Variants in GPHN observed in about 807,000 individuals in gnomAD.
GPHN encodes gephyrin.
A neutral mutation model predicts 95.5 loss-of-function variants in GPHN; 17 were observed. That is an observed-to-expected ratio of 0.18 (90% CI 0.12 to 0.27). GPHN has a LOEUF of 0.27. Among genes scored for constraint, GPHN ranks in the 10% least tolerant of loss-of-function variants. The pLI is 1.00. For synonymous variants in GPHN, 320 were observed against 322.5 expected, an observed-to-expected ratio of 0.99 and a Z score of 0.08; for missense variants, 660 against 978.1, an observed-to-expected ratio of 0.67 and a Z score of 4.34.
At chr14:67,198,096 A>C in the GPHN span, 4 of 1,545,440 alleles carry the variant, frequency 2.6e-6, no homozygotes, top group Non-Finnish European at 2.6e-6. Context: ...ATGATATTAA[A>C]TTCTCTCTGT....
chr14:67,435,650 T>C, the GPHN span, among the ~76,000 whole-genome samples: 2 of 152,232 alleles, frequency 1.3e-5, no homozygotes, highest in Non-Finnish European at 2.9e-5. Context: ...ACAGAGCACC[T>C]ACAAAGAATC....
chr14:66,557,099 C>T (rs2060031788), intron 1 of GPHN, among the ~76,000 whole-genome samples: 1 of 151,840 alleles, frequency 6.6e-6, no homozygotes, highest in East Asian at 1.9e-4. Flanking sequence ...CCCAGTTACT[C>T]AGGAGGCTGA....
chr14:66,765,641 G>A (rs1178418293), intron 2 of GPHN, among the ~76,000 whole-genome samples: 1 of 152,000 alleles, frequency 6.6e-6, no homozygotes, highest in African/African-American at 2.4e-5. Context: ...GGAGTGGAAC[G>A]AAAAACTACC....
At chr14:66,516,100 G>A (rs1031593653) in intron 1 of GPHN, among the ~76,000 whole-genome samples, 4 of 151,434 alleles carry the variant, frequency 2.6e-5, no homozygotes, top group African/African-American at 4.9e-5. Flanking sequence ...TCTGCCTCCC[G>A]GGTTCAAGTG....
the GPHN span, chr14:67,649,503 A>AT: frequency 6.6e-6 from 1 of 152,208 alleles, no homozygotes; most frequent in African/African-American, 2.4e-5. Flanking sequence ...GTCTGGAAAC[A>AT]TAAGTCATGT....
the GPHN span, among the ~76,000 whole-genome samples, chr14:67,371,676 C>A: frequency 6.6e-6 from 1 of 152,154 alleles, no homozygotes; most frequent in South Asian, 2.1e-4. Context: ...TACCTAAACA[C>A]AGAAAAGATA....
At chr14:66,882,428 C>T (rs941927550) in intron 5 of GPHN, among the ~76,000 whole-genome samples, 7 of 151,694 alleles carry the variant, frequency 4.6e-5, no homozygotes, top group Non-Finnish European at 1.0e-4. Flanking sequence ...TAAACCATTA[C>T]GTCTGTTTGA....
the GPHN span, among the ~76,000 whole-genome samples, chr14:67,464,271 C>T: frequency 2.6e-5 from 4 of 152,200 alleles, no homozygotes; most frequent in Non-Finnish European, 5.9e-5. Flanking sequence ...AGGATGGAGG[C>T]TAAGGGTACC....
At chr14:67,208,854 G>A in the GPHN span, among the ~76,000 whole-genome samples, 16 of 148,406 alleles carry the variant, frequency 1.1e-4, no homozygotes, top group East Asian at 2.0e-4. Context: ...CCAAGATCAC[G>A]CTACTGCATT....
At chr14:67,320,845 AACTATT>A in the GPHN span, among the ~76,000 whole-genome samples, 3,208 of 152,258 alleles carry the variant, frequency 0.021, 122 homozygotes, top group African/African-American at 0.073. Context: ...AGATAAATAT[AACTATT>A]ACTAAGATAC....
At chr14:67,296,383 G>A in the GPHN span, among the ~76,000 whole-genome samples, 6 of 151,954 alleles carry the variant, frequency 3.9e-5, no homozygotes, top group South Asian at 6.2e-4. Context: ...GGCAGATCAC[G>A]AGGTCAGGAG....
At chr14:67,735,058 C>T in the GPHN span, 1 of 685,832 alleles carries the variant, frequency 1.5e-6, no homozygotes, top group Non-Finnish European at 2.7e-6. Context: ...GCACTTACAA[C>T]CAACAGCAAA....
At chr14:67,704,033 G>GA in the GPHN span, among the ~76,000 whole-genome samples, 46 of 152,294 alleles carry the variant, frequency 3.0e-4, 1 homozygote, top group African/African-American at 1.1e-3. Flanking sequence ...TCTCAGTTTA[G>GA]AAAAACTGTT....
At chr14:67,388,885 GC>G in the GPHN span, among the ~76,000 whole-genome samples, 1 of 151,942 alleles carries the variant, frequency 6.6e-6, no homozygotes, top group African/African-American at 2.4e-5. Flanking sequence ...CATCACCTTG[GC>G]CAGGCTGGTC....
the GPHN span, among the ~76,000 whole-genome samples, chr14:67,311,357 A>T: frequency 1.3e-5 from 2 of 151,770 alleles, no homozygotes; most frequent in Non-Finnish European, 2.9e-5. Context: ...ATTTGGATAG[A>T]AATGGACCTT....
the GPHN span, among the ~76,000 whole-genome samples, chr14:67,421,425 G>A: frequency 6.6e-6 from 1 of 152,294 alleles, no homozygotes; most frequent in East Asian, 1.9e-4. Context: ...GAGCCCCACA[G>A]CAGGAGTTTG....
At chr14:67,473,717 G>T in the GPHN span, 1 of 1,604,622 alleles carries the variant, frequency 6.2e-7, no homozygotes, top group Admixed American at 1.7e-5. This position sits in a 1 kb window ranked among gnomAD's most constrained non-coding sequence, Gnocchi z 6.5. Context: ...GCGGGCAGCG[G>T]CCGCGCAGCC....
At chr14:66,854,368 A>G (rs946955802) in intron 4 of GPHN, among the ~76,000 whole-genome samples, 2 of 152,212 alleles carry the variant, frequency 1.3e-5, no homozygotes, top group African/African-American at 4.8e-5. Context: ...TATTAACTGC[A>G]TATGCCTGAA....
intron 4 of GPHN, chr14:66,842,847 T>C (rs1309393226): frequency 5.9e-6 from 4 of 678,296 alleles, no homozygotes; most frequent in Non-Finnish European, 2.5e-6. Context: ...TGGATTGTTA[T>C]GTATCTATGT....
Sources: gnomAD v4.1 joint callset for allele counts (sites outside exome capture counted in the v4.1 genomes callset) on GRCh38, gnomAD v4.1.1 for gene constraint, Gnocchi (gnomAD v3.1) non-coding constraint, MANE v1.5 for transcripts, NCBI Gene and HGNC (gene_info 2026-07-23, HGNC 2026-07-21) for gene names.